The following ERBB4 variants were observed in gnomAD, a reference collection of about 807,000 sequenced individuals.
The protein encoded by ERBB4 is erb-b2 receptor tyrosine kinase 4, also known as receptor tyrosine-protein kinase erbB-4.
A neutral mutation model predicts 158.0 loss-of-function variants in ERBB4; 42 were observed. The ratio of observed to expected loss-of-function variants is 0.27; its 90% CI spans 0.21 to 0.34. The LOEUF (loss-of-function observed/expected upper bound fraction) is 0.34, where lower values mean the gene tolerates loss of function less well. Among genes scored for constraint, ERBB4 ranks in the 10% least tolerant of loss-of-function variants. The probability of loss-of-function intolerance (pLI) is 1.00; values close to 1 mark genes in which losing one functional copy is unlikely to be tolerated. For synonymous variants in ERBB4, 583 were observed against 558.7 expected, an observed-to-expected ratio of 1.04 and a Z score of -0.61; for missense variants, 1,333 against 1,624.1, an observed-to-expected ratio of 0.82 and a Z score of 3.08.
chr2:212,065,463 T>A (rs1326889332), intron 2 of ERBB4, among the ~76,000 whole-genome samples: 1 of 152,052 alleles, frequency 6.6e-6, no homozygotes, highest in East Asian at 1.9e-4. Context: ...ATAGCTAACA[T>A]ATTGGATATG....
intron 20 of ERBB4, among the ~76,000 whole-genome samples, chr2:211,537,301 G>C (rs1283473544): frequency 7.0e-6 from 1 of 143,266 alleles, no homozygotes; most frequent in East Asian, 2.4e-4. Context: ...ATATGCAATT[G>C]CTGTAAGGTC....
At chr2:212,067,156 C>T (rs1404236011) in intron 2 of ERBB4, among the ~76,000 whole-genome samples, 1 of 151,908 alleles carries the variant, frequency 6.6e-6, no homozygotes, top group African/African-American at 2.4e-5. Context: ...TCTTCTTTAC[C>T]TGATCCCTTC....
chr2:211,947,379 G>C, intron 3 of ERBB4, 51 bp downstream of exon 3: 1 of 1,406,734 alleles, frequency 7.1e-7, no homozygotes, highest in Non-Finnish European at 1.0e-6. Flanking sequence ...ATATACAATT[G>C]CCTTATATTG....
At chr2:212,025,019 A>G (rs1393455441) in intron 2 of ERBB4, among the ~76,000 whole-genome samples, 2 of 151,826 alleles carry the variant, frequency 1.3e-5, no homozygotes, top group Non-Finnish European at 2.9e-5. Flanking sequence ...TGTAAAATAA[A>G]CATGTACCAT....
intron 3 of ERBB4, among the ~76,000 whole-genome samples, chr2:211,796,950 A>G (rs1303262940): frequency 1.3e-5 from 2 of 151,946 alleles, no homozygotes; most frequent in Non-Finnish European, 2.9e-5. Flanking sequence ...AAAAAATTAA[A>G]ACTACATTAA....
intron 1 of ERBB4, among the ~76,000 whole-genome samples, chr2:212,340,225 T>G (rs924876574): frequency 6.6e-6 from 1 of 151,896 alleles, no homozygotes; most frequent in African/African-American, 2.4e-5. Flanking sequence ...AAATACTCCA[T>G]GATCTCAAAT....
At chr2:211,626,020 T>C (rs1245260098) in intron 17 of ERBB4, among the ~76,000 whole-genome samples, 1 of 152,176 alleles carries the variant, frequency 6.6e-6, no homozygotes, top group Non-Finnish European at 1.5e-5. Flanking sequence ...GGGTTTAAAT[T>C]TGGAGGTTTA....
chr2:212,236,834 G>A (rs567244212), intron 1 of ERBB4, among the ~76,000 whole-genome samples: 1 of 152,238 alleles, frequency 6.6e-6, no homozygotes, highest in Non-Finnish European at 1.5e-5. Flanking sequence ...AAATTTTATT[G>A]TGTCTATTTG....
At chr2:212,329,159 G>T (rs1471253188) in intron 1 of ERBB4, among the ~76,000 whole-genome samples, 1 of 151,892 alleles carries the variant, frequency 6.6e-6, no homozygotes, top group Non-Finnish European at 1.5e-5. Flanking sequence ...TAATAATGAA[G>T]GAGTAACTCA....
chr2:212,440,516 G>T (rs962359300), intron 1 of ERBB4, among the ~76,000 whole-genome samples: 1 of 152,126 alleles, frequency 6.6e-6, no homozygotes, highest in Non-Finnish European at 1.5e-5. Flanking sequence ...TATCCTATTA[G>T]TTCTATCCCT....
At chr2:212,440,056 T>C (rs1469409054) in intron 1 of ERBB4, among the ~76,000 whole-genome samples, 1 of 152,194 alleles carries the variant, frequency 6.6e-6, no homozygotes, top group Non-Finnish European at 1.5e-5. Flanking sequence ...ACACATTTAG[T>C]AGAAAGATAG....
intron 4 of ERBB4, among the ~76,000 whole-genome samples, chr2:211,773,091 G>T (rs1215597157): frequency 6.7e-6 from 1 of 150,200 alleles, no homozygotes; most frequent in Non-Finnish European, 1.5e-5. Flanking sequence ...TCAATAACTG[G>T]TTTTATTTGT....
chr2:211,673,206 C>T lies in ERBB4; in HGVS notation c.1674G>A (p.Gln558=), dbSNP rs749190636. The T allele has an allele frequency of 6.8e-6, 11 of 1,613,790 alleles. No individual in the cohort carries two copies. The highest frequency in any genetic ancestry group is 3.3e-5 in the Admixed American group (2 of 59,974). Reference sequence around the variant, plus strand: ...GGAGGCCATCTTCCATCTTCTCACACTGGGGGTCACACTCCACACAGATGG... The same window carrying T: ...GGAGGCCATCTTCCATCTTCTCACATTGGGGGTCACACTCCACACAGATGG... ...NGSICVECDP[Q]CEKMEDGLLT... Residue 558 remains glutamine (Q), a synonymous_variant, in exon 14 of 28, where the codon CAG becomes CAA. Coordinates refer to ENST00000342788, the MANE Select transcript of ERBB4 (RefSeq NM_005235.3).
chr2:211,908,055 T>G (rs56232132), intron 3 of ERBB4, among the ~76,000 whole-genome samples: 9,945 of 151,510 alleles, frequency 0.066, 635 homozygotes, highest in Non-Finnish European at 0.094. Flanking sequence ...AAAAAAAACA[T>G]ATTTAGGTAT....
intron 1 of ERBB4, among the ~76,000 whole-genome samples, chr2:212,468,790 A>G (rs956425425): frequency 6.6e-6 from 1 of 152,214 alleles, no homozygotes; most frequent in Non-Finnish European, 1.5e-5. Context: ...CTGTCAGTTC[A>G]AAGGAGAATT....
chr2:212,111,211 G>A (rs973044957), intron 2 of ERBB4, among the ~76,000 whole-genome samples: 4 of 152,112 alleles, frequency 2.6e-5, no homozygotes, highest in African/African-American at 4.8e-5. Flanking sequence ...TTTATATGCA[G>A]TTAGTTGTTA....
At chr2:212,040,747 G>A (rs1373861840) in intron 2 of ERBB4, among the ~76,000 whole-genome samples, 1 of 152,070 alleles carries the variant, frequency 6.6e-6, no homozygotes, top group African/African-American at 2.4e-5. Flanking sequence ...CCTTCAGGCT[G>A]TTTGTGACCT....
intron 1 of ERBB4, among the ~76,000 whole-genome samples, chr2:212,499,503 G>A (rs1268575140): frequency 6.6e-6 from 1 of 152,062 alleles, no homozygotes; most frequent in African/African-American, 2.4e-5. Context: ...ATTATTTAGA[G>A]ACATGAGAAT....
intron 1 of ERBB4, among the ~76,000 whole-genome samples, chr2:212,538,031 C>T (rs1693200124): frequency 6.6e-6 from 1 of 152,136 alleles, no homozygotes; most frequent in Non-Finnish European, 1.5e-5. Context: ...TCGGGAGAGG[C>T]CCAGCCAGCA....
Sources: allele counts gnomAD v4.1 joint callset (sites outside exome capture counted in the v4.1 genomes callset), GRCh38; gene constraint gnomAD v4.1.1; transcripts MANE v1.5; gene names NCBI Gene and HGNC (gene_info 2026-07-23, HGNC 2026-07-21).